The following SLC44A2 variants were observed in gnomAD, a reference collection of about 807,000 sequenced individuals.
SLC44A2 encodes the protein choline transporter-like protein 2.
In SLC44A2, 57 loss-of-function variants were observed where a neutral mutation model predicts 90.8. The ratio of observed to expected loss-of-function variants is 0.63; its 90% CI spans 0.51 to 0.78. The LOEUF (loss-of-function observed/expected upper bound fraction) is 0.78, where lower values mean the gene tolerates loss of function less well. Among genes scored for constraint, SLC44A2 ranks in the 30% least tolerant of loss-of-function variants. The pLI is 0.00. For missense variants in SLC44A2, 794 were observed against 919.7 expected, an observed-to-expected ratio of 0.86 and a Z score of 1.77; for synonymous variants, 355 against 360.7, an observed-to-expected ratio of 0.98 and a Z score of 0.18.
rs985467920 is a variant in SLC44A2 at position 10,634,763 on chromosome 19, T to C, written c.831T>C (p.Phe277=). 1.9e-6 allele frequency: 3 copies of C among 1,614,072 alleles called. No individual in the cohort carries two copies. The highest frequency in any genetic ancestry group is 2.7e-5 in the African/African-American group (2 of 74,930). The part of the protein sequence containing the change: ...MVILVLGYGI[F]HCYMEYSRLR... ...TGTGGTTCCCCCATGCAGGAATATT[T>C]CACTGCTACATGGAGTACTCCCGAC... Residue 277 remains phenylalanine, a synonymous_variant, in exon 11 of 22, where the codon TTT becomes TTC. Coordinates refer to ENST00000335757, the MANE Select transcript of SLC44A2 (RefSeq NM_020428.4).
At chr19:10,616,820 G>A (rs2066858812) in intron 1 of SLC44A2, among the ~76,000 whole-genome samples, 1 of 152,098 alleles carries the variant, frequency 6.6e-6, no homozygotes, top group African/African-American at 2.4e-5. Flanking sequence ...ACAGCTCACT[G>A]CCGCCTGTAA....
intron 21 of SLC44A2, chr19:10,642,831 C>A: frequency 6.7e-7 from 1 of 1,501,834 alleles, no homozygotes; most frequent in Non-Finnish European, 8.8e-7. Context: ...TTCTTCCCTG[C>A]CTCCCTCTTT....
In SLC44A2 at chr19:10,643,334, C is replaced by G. The variant is rs1454553406; in HGVS notation, c.2070C>G (p.Ser690=). 5.0e-6 allele frequency: 8 copies of G among 1,612,854 alleles called. No homozygotes were observed. Among genetic ancestry groups the G allele is most frequent in the Middle Eastern group, 1.7e-4 (1 of 6,058 alleles). ...CCGAGAGGCCTTACTTCATGTCTTC[C>G]ACCCTCAAGAAACTCTTGAACAAGA... ...GSAERPYFMS[S]TLKKLLNKTN... is the part of the protein sequence containing the mutation. Residue 690 remains serine, a synonymous_variant, in exon 22 of 22, where the codon TCC becomes TCG. Transcript: ENST00000335757.
Position 10,635,176 on chromosome 19 carries a change from G to C in SLC44A2, c.1069G>C (p.Val357Leu), listed in dbSNP as rs766127020. ...IKEASRAVGY[V>L]MCSLLYPLVT... ...GCTCTTCCCTAGGGCTGTGGGATAC[G>C]TCATGTGCTCCTTGCTCTACCCACT... The change falls in exon 13 of 22, where the codon GTC (valine) becomes CTC (leucine). Residue 357 changes from valine (V) to leucine (L), a missense_variant. Around this residue, in one of 3 missense-constraint regions of SLC44A2, gnomAD observed 738 missense variants for 841.1 expected, o/e 0.88. Coordinates refer to ENST00000335757, the MANE Select transcript of SLC44A2 (RefSeq NM_020428.4). 9.3e-6 allele frequency: 15 copies of C among 1,613,794 alleles called. No individual in the cohort carries two copies. Among genetic ancestry groups the C allele is most frequent in the Non-Finnish European group, 1.3e-5 (15 of 1,180,032 alleles).
chr19:10,638,188 C>G, intron 19 of SLC44A2, 39 bp from the exon 20 acceptor site: 1 of 1,613,134 alleles, frequency 6.2e-7, no homozygotes, highest in Non-Finnish European at 8.5e-7. Flanking sequence ...TTCCTATATC[C>G]AGAACCCTTC....
chr19:10,603,670 C>T (rs371595191), intron 1 of SLC44A2, among the ~76,000 whole-genome samples: 4 of 152,214 alleles, frequency 2.6e-5, no homozygotes, highest in Admixed American at 2.0e-4. Context: ...CCTCCCAGCA[C>T]CCCCTCCCCA....
rs2144901942 is a variant in SLC44A2, at chr19:10,643,482, A to G, written c.*97A>G. 1 of 1,393,272 alleles carries G rather than the reference A, an allele frequency of 7.2e-7. No homozygotes were observed. Among genetic ancestry groups the G allele is most frequent in the South Asian group, 1.4e-5 (1 of 73,684 alleles). 86.3% of individuals were successfully genotyped at this position (1,393,272 alleles called of 1,614,324 possible). On this transcript the variant is annotated 3_prime_UTR_variant, in exon 22 of 22. Transcript: ENST00000335757. ...GCCCCTTGGGCTCACCTGAAGTCCT[A>G]TCACTGCCGCTCTGCCCCTCCCCAT...
Position 10,627,740 on chromosome 19 carries a change from A to G in SLC44A2, c.105A>G (p.Ile35Met), listed in dbSNP as rs1380587806. ...TCCCCAGGGGCTGCACGGATATCAT[A>G]TGCTGTGTGTTCCTGCTCCTGGCCA... ...PIYNRGCTDI[I>M]CCVFLLLAIV... is the part of the protein sequence containing the mutation. Residue 35 changes from isoleucine (I) to methionine (M), a missense_variant, in exon 3 of 22, where the codon ATA (isoleucine) becomes ATG (methionine). This residue lies in a region of SLC44A2 where 738 missense variants were observed against 841.1 expected (regional missense o/e 0.88). Coordinates refer to ENST00000335757, the MANE Select transcript of SLC44A2 (RefSeq NM_020428.4). 4 of 1,613,450 alleles carry G rather than the reference A, an allele frequency of 2.5e-6. No homozygotes were observed. Among genetic ancestry groups the G allele is most frequent in the Admixed American group, 1.7e-5 (1 of 59,964 alleles).
intron 21 of SLC44A2, 27 bp from the exon 22 acceptor site, chr19:10,643,252 C>T (rs2067137568): frequency 3.1e-6 from 5 of 1,598,914 alleles, no homozygotes; most frequent in Non-Finnish European, 3.4e-6. Context: ...CCCCTCATGC[C>T]TCCTGCTCTG....
intron 2 of SLC44A2, among the ~76,000 whole-genome samples, chr19:10,626,809 G>A (rs1165712604): frequency 1.3e-5 from 2 of 151,002 alleles, no homozygotes; most frequent in East Asian, 2.0e-4. Flanking sequence ...GGCTGGAGTG[G>A]TGCAATCTCA....
rs6146468 is a variant in SLC44A2, at chr19:10,629,261, C to CTATTATTAT, written c.245+1269_245+1277dup. On this transcript the variant is annotated intron_variant, in intron 4 of 21. Coordinates refer to ENST00000335757, the MANE Select transcript of SLC44A2 (RefSeq NM_020428.4). ...AGTTGCTGATGCTGCAGTTTTTAAA[C>CTATTATTAT]TATTATTATTATTATTATTACTATT... 5.8e-3 allele frequency among the ~76,000 whole-genome samples: 840 copies of CTATTATTAT among 144,368 alleles called. 9 individuals are homozygous for CTATTATTAT. Among genetic ancestry groups the CTATTATTAT allele is most frequent in the African/African-American group, 0.017 (658 of 39,310 alleles). 94.7% of individuals were successfully genotyped at this position (144,368 alleles called of 152,430 possible).
chr19:10,612,469 C>G (rs1210756263), intron 1 of SLC44A2, among the ~76,000 whole-genome samples: 1 of 152,188 alleles, frequency 6.6e-6, no homozygotes, highest in African/African-American at 2.4e-5. Flanking sequence ...CTATCTTTTG[C>G]CCTTAACCCT....
chr19:10,605,017 A>G (rs531943818), intron 1 of SLC44A2, among the ~76,000 whole-genome samples: 1 of 152,278 alleles, frequency 6.6e-6, no homozygotes, highest in South Asian at 2.1e-4. Flanking sequence ...AGATTCTGCA[A>G]TCCAAAACAA....
chr19:10,631,770 C>A, intron 8 of SLC44A2, 21 bp downstream of exon 8: 2 of 1,614,076 alleles, frequency 1.2e-6, no homozygotes, highest in South Asian at 2.2e-5. Context: ...TGGCGCACCG[C>A]GCCAGGGTCT....
intron 1 of SLC44A2, among the ~76,000 whole-genome samples, chr19:10,608,629 T>C (rs1234895594): frequency 6.8e-6 from 1 of 146,720 alleles, no homozygotes; most frequent in Non-Finnish European, 1.5e-5. Flanking sequence ...ATTTTATTAG[T>C]ATATATATAT....
intron 1 of SLC44A2, among the ~76,000 whole-genome samples, chr19:10,615,192 A>G (rs1486132747): frequency 6.6e-6 from 1 of 151,812 alleles, no homozygotes; most frequent in African/African-American, 2.4e-5. Context: ...GCACTTTGGG[A>G]GGCCAAGGCA....
intron 1 of SLC44A2, among the ~76,000 whole-genome samples, chr19:10,614,438 G>C (rs892793434): frequency 6.6e-6 from 1 of 152,024 alleles, no homozygotes; most frequent in Non-Finnish European, 1.5e-5. Context: ...GTGATCTGTT[G>C]ATCAGGCTGG....
chr19:10,634,802 C>A lies in SLC44A2; in HGVS notation c.870C>A (p.Ala290=). 6.2e-7 allele frequency: 1 copy of A among 1,614,120 alleles called. No homozygotes were observed. Among genetic ancestry groups the A allele is most frequent in the Non-Finnish European group, 8.5e-7 (1 of 1,180,038 alleles). The change falls in exon 11 of 22, where the codon GCC becomes GCA. Residue 290 remains alanine, a synonymous_variant. Transcript: ENST00000335757. ...YMEYSRLRGE[A]GSDVSLVDLG... ...AGTACTCCCGACTGCGTGGTGAGGC[C>A]GGCTCTGATGTCTCTTTGGTGGACC...
intron 1 of SLC44A2, among the ~76,000 whole-genome samples, chr19:10,616,130 CCT>C (rs1052317513): frequency 1.6e-4 from 24 of 149,984 alleles, no homozygotes; most frequent in African/African-American, 5.9e-4. Context: ...ACAGTGAGAC[CCT>C]GTCTCCAAAG....
Sources: allele counts gnomAD v4.1 joint callset (sites outside exome capture counted in the v4.1 genomes callset), GRCh38; gene constraint gnomAD v4.1.1; regional missense constraint gnomAD v4.1.1; transcripts MANE v1.5; gene names NCBI Gene and HGNC (gene_info 2026-07-23, HGNC 2026-07-21).